The following FNDC3A variants were observed in gnomAD, a reference collection of about 807,000 sequenced individuals.
The protein encoded by FNDC3A is fibronectin type-III domain-containing protein 3A.
In FNDC3A, 32 loss-of-function variants were observed where a neutral mutation model predicts 148.9. The observed-to-expected ratio is 0.21, with a 90% CI of 0.16 to 0.29. The LOEUF is 0.29. Ranked by LOEUF, FNDC3A falls within the 10% of genes least tolerant of loss-of-function variation. FNDC3A has a pLI of 1.00. For synonymous variants in FNDC3A, 472 were observed against 473.6 expected (o/e 1.00, Z 0.04); for missense variants, 1,191 against 1,452.8 (o/e 0.82, Z 2.93).
In FNDC3A at chr13:49,114,418, C is replaced by G. The variant is rs544622809; in HGVS notation, c.176-237C>G. Among the ~76,000 whole-genome samples, 33 of 151,558 alleles carry G rather than the reference C, an allele frequency of 2.2e-4. 1 individual carries two copies. The highest frequency in any genetic ancestry group is 4.6e-4 in the Admixed American group (7 of 15,214). On this transcript the variant is annotated intron_variant, in intron 3 of 25. Transcript: ENST00000492622. ...TAAAAAGCCCTCCAACCTCCCCGCC[C>G]CCCACCACCCCTACCCCAGCAACTT...
intron 2 of FNDC3A, among the ~76,000 whole-genome samples, chr13:49,028,278 G>C (rs1873866169): frequency 6.6e-6 from 1 of 151,944 alleles, no homozygotes; most frequent in South Asian, 2.1e-4. Context: ...TATTTTTTAA[G>C]AGACAGGGTC....
intron 2 of FNDC3A, among the ~76,000 whole-genome samples, chr13:49,049,434 G>T (rs1211343136): frequency 6.6e-6 from 1 of 151,684 alleles, no homozygotes; most frequent in Non-Finnish European, 1.5e-5. Context: ...AATCCATCTG[G>T]TCCTGGCCTT....
intron 16 of FNDC3A, among the ~76,000 whole-genome samples, chr13:49,188,302 T>G (rs1885693761): frequency 6.6e-6 from 1 of 152,228 alleles, no homozygotes; most frequent in South Asian, 2.1e-4. Context: ...GTTACAGAGA[T>G]ATTTCACTTC....
upstream of FNDC3A, chr13:48,975,864 C>T (rs1039869239): frequency 5.3e-5 from 8 of 151,134 alleles, no homozygotes; most frequent in African/African-American, 1.5e-4. Flanking sequence ...CGGGCTCCGT[C>T]GGCGGGGCCC....
intron 4 of FNDC3A, among the ~76,000 whole-genome samples, chr13:49,122,065 A>T (rs972581351): frequency 6.6e-6 from 1 of 152,234 alleles, no homozygotes; most frequent in African/African-American, 2.4e-5. Flanking sequence ...ATTTCAGGCC[A>T]GTATCCCTGA....
chr13:48,983,978 C>CA (rs897594196), intron 1 of FNDC3A, among the ~76,000 whole-genome samples: 3 of 151,572 alleles, frequency 2.0e-5, no homozygotes, highest in Admixed American at 6.6e-5. Context: ...ATACAAATAG[C>CA]AAAAAAATAT....
upstream of FNDC3A, chr13:48,975,577 T>C (rs1353328808): frequency 6.6e-6 from 1 of 152,234 alleles, no homozygotes; most frequent in African/African-American, 2.4e-5. Flanking sequence ...GGGGAGCCTT[T>C]TGAAATGTGG....
intron 2 of FNDC3A, among the ~76,000 whole-genome samples, chr13:49,017,895 A>C (rs1436198933): frequency 6.6e-6 from 1 of 152,138 alleles, no homozygotes; most frequent in African/African-American, 2.4e-5. Flanking sequence ...TTCTGGGTTG[A>C]AAATTCTTTT....
chr13:49,057,906 C>T (rs181417013), intron 2 of FNDC3A, among the ~76,000 whole-genome samples: 40 of 152,194 alleles, frequency 2.6e-4, no homozygotes, highest in African/African-American at 7.7e-4. Context: ...TTTTCCTAAA[C>T]ACAAATACTA....
chr13:49,202,108 C>T (rs1030274035), intron 24 of FNDC3A, 142 bp downstream of exon 24: 2 of 486,620 alleles, frequency 4.1e-6, no homozygotes, highest in African/African-American at 2.0e-5. Context: ...GCAAGCCCAA[C>T]TCTACTGAGA....
chr13:49,136,593 A>G lies in FNDC3A; in HGVS notation c.752A>G (p.Glu251Gly). 6.2e-7 allele frequency: 1 copy of G among 1,611,870 alleles called. No individual in the cohort carries two copies. The highest frequency in any genetic ancestry group is 8.5e-7 in the Non-Finnish European group (1 of 1,178,106). The change falls in exon 6 of 26, where the codon GAA becomes GGA. Residue 251 changes from glutamate (E) to glycine (G), a missense_variant. Transcript: ENST00000492622. ...AAAGGTGGTACACAAGTTGATACAG[A>G]AATTGAAGGTAACTGTTTGAAGTAC... ...KGKGGTQVDT[E>G]IEEKDEETKA...
intron 8 of FNDC3A, among the ~76,000 whole-genome samples, chr13:49,166,123 T>C (rs2138039668): frequency 1.3e-5 from 2 of 152,310 alleles, no homozygotes; most frequent in African/African-American, 2.4e-5. Flanking sequence ...GAGGCGGCAG[T>C]GGCTATGCTG....
chr13:49,129,999 T>A (rs190476159), intron 4 of FNDC3A, among the ~76,000 whole-genome samples: 287 of 152,278 alleles, frequency 1.9e-3, no homozygotes, highest in African/African-American at 6.6e-3. Context: ...GATCATTTTC[T>A]GTTTCCTGAG....
intron 4 of FNDC3A, among the ~76,000 whole-genome samples, chr13:49,118,292 G>GACTGTGCCATGAGGA (rs1296539097): frequency 2.6e-5 from 4 of 152,128 alleles, no homozygotes; most frequent in Non-Finnish European, 5.9e-5. Context: ...AGCCATGAGG[G>GACTGTGCCATGAGGA]ACTGTGCCAT....
chr13:49,190,712 G>GT (rs1566318628), intron 17 of FNDC3A, among the ~76,000 whole-genome samples: 1 of 152,036 alleles, frequency 6.6e-6, no homozygotes, highest in Admixed American at 6.5e-5. Flanking sequence ...GTTGGAAGTT[G>GT]TTTTTTTCTT....
At position 49,171,277 on chromosome 13, in the gene FNDC3A, A is replaced by G. The variant is rs556528652; in HGVS notation, c.1177-766A>G. On this transcript the variant is annotated intron_variant, in intron 10 of 25. Coordinates refer to ENST00000492622, the MANE Select transcript of FNDC3A (RefSeq NM_001079673.2). ...CCATTTACATAGTTAGCAATATTAT[A>G]TAAAAACTGGATAGAGTCCAAAAAA... 9.7e-4 allele frequency among the ~76,000 whole-genome samples: 147 copies of G among 152,324 alleles called. 1 individual carries two copies. The highest frequency in any genetic ancestry group is 3.3e-3 in the African/African-American group (139 of 41,580).
chr13:49,055,203 A>C (rs1325922252), intron 2 of FNDC3A, among the ~76,000 whole-genome samples: 1 of 151,918 alleles, frequency 6.6e-6, no homozygotes, highest in African/African-American at 2.4e-5. Context: ...TCCTGGGCTC[A>C]AGGAATCCTC....
At position 49,118,345 on chromosome 13, in the gene FNDC3A, A is replaced by G. The variant is rs144430431; in HGVS notation, c.252+3614A>G. ...GGCCCAGATACCACACTTTTCCCAC[A>G]GTCTTCGCAACCCGCAGACCAGGAG... is the stretch of plus-strand genomic sequence containing the variant. On this transcript the variant is annotated intron_variant, in intron 4 of 25. Transcript: ENST00000492622. Among the ~76,000 whole-genome samples the G allele has an allele frequency of 2.6e-3, 397 of 152,314 alleles. 10 individuals carry two copies. The East Asian group carries it at 0.041, about 16-fold the overall frequency.
intron 1 of FNDC3A, among the ~76,000 whole-genome samples, chr13:49,000,861 A>C (rs1196327958): frequency 6.6e-6 from 1 of 151,902 alleles, no homozygotes; most frequent in Non-Finnish European, 1.5e-5. Context: ...TTTCTTTTTC[A>C]AATTTTCATT....
Sources: allele counts gnomAD v4.1 joint callset (sites outside exome capture counted in the v4.1 genomes callset), GRCh38; gene constraint gnomAD v4.1.1; transcripts MANE v1.5; gene names NCBI Gene and HGNC (gene_info 2026-07-23, HGNC 2026-07-21).